Variants in THSD4 observed in about 807,000 individuals in gnomAD.
THSD4 encodes thrombospondin type-1 domain-containing protein 4.
THSD4 carries 69 observed loss-of-function variants against 119.0 expected under a neutral mutation model. The observed-to-expected ratio is 0.58, with a 90% CI of 0.48 to 0.71. THSD4 has a LOEUF of 0.71. Among genes scored for constraint, THSD4 ranks in the 30% least tolerant of loss-of-function variants. The pLI is 0.00. For synonymous variants in THSD4, 524 were observed against 540.4 expected (o/e 0.97, Z 0.42); for missense variants, 1,393 against 1,391.1 (o/e 1.00, Z -0.02).
Position 71,214,310 on chromosome 15 carries a change from G to C in THSD4, c.100-725G>C, listed in dbSNP as rs142963809. 3.0e-3 allele frequency among the ~76,000 whole-genome samples: 457 copies of C among 152,320 alleles called. 1 individual carries two copies. The highest frequency in any genetic ancestry group is 5.6e-3 in the Admixed American group (86 of 15,300). ...AGCCGCAACTTGCTGAGGTATCTTT[G>C]TATGCTGTGGAAGCTTTGTTCTTTT... On this transcript the variant is annotated intron_variant, in intron 3 of 17. Coordinates refer to ENST00000261862, the MANE Select transcript of THSD4 (RefSeq NM_024817.3).
intron 13 of THSD4, among the ~76,000 whole-genome samples, chr15:71,747,694 C>G (rs539601353): frequency 1.3e-5 from 2 of 152,312 alleles, no homozygotes; most frequent in Admixed American, 1.3e-4. Flanking sequence ...GTCAATAAAA[C>G]TTCATGAGTC....
intron 7 of THSD4, among the ~76,000 whole-genome samples, chr15:71,454,038 C>T (rs1394747524): frequency 6.6e-6 from 1 of 152,206 alleles, no homozygotes; most frequent in Non-Finnish European, 1.5e-5. Flanking sequence ...AGATGGATCA[C>T]TTGAGGTCAG....
intron 7 of THSD4, among the ~76,000 whole-genome samples, chr15:71,468,895 T>C (rs564603883): frequency 1.3e-5 from 2 of 152,320 alleles, no homozygotes; most frequent in South Asian, 2.1e-4. Context: ...TCTGCTCCCA[T>C]CCTATTTGCC....
At chr15:71,496,369 C>G (rs2048018173) in intron 7 of THSD4, among the ~76,000 whole-genome samples, 1 of 152,146 alleles carries the variant, frequency 6.6e-6, no homozygotes, top group South Asian at 2.1e-4. Context: ...TAATCATGGC[C>G]TATAGTCCCA....
At chr15:71,773,965 A>AT (rs1157990044) in intron 17 of THSD4, among the ~76,000 whole-genome samples, 1 of 152,132 alleles carries the variant, frequency 6.6e-6, no homozygotes, top group Non-Finnish European at 1.5e-5. Flanking sequence ...AACTCACTCA[A>AT]TTTTTTAAAA....
At chr15:71,449,309 A>G (rs2047231683) in intron 7 of THSD4, among the ~76,000 whole-genome samples, 1 of 152,144 alleles carries the variant, frequency 6.6e-6, no homozygotes, top group African/African-American at 2.4e-5. Flanking sequence ...CTCTTGTTCC[A>G]CTGAACACAT....
chr15:71,471,759 C>T (rs1484535055), intron 7 of THSD4, among the ~76,000 whole-genome samples: 3 of 151,684 alleles, frequency 2.0e-5, no homozygotes, highest in African/African-American at 7.3e-5. Context: ...TACTGGGTGG[C>T]CGGGAGGATT....
intron 8 of THSD4, among the ~76,000 whole-genome samples, chr15:71,677,651 C>T (rs2051680671): frequency 1.3e-5 from 2 of 152,204 alleles, no homozygotes; most frequent in African/African-American, 4.8e-5. Context: ...AGGAAATCAA[C>T]TCTGCCCCAC....
At chr15:71,098,302 C>T (rs568035992) in intron 1 of THSD4, among the ~76,000 whole-genome samples, 79 of 145,882 alleles carry the variant, frequency 5.4e-4, no homozygotes, top group Middle Eastern at 3.6e-3. Flanking sequence ...CTCAGGTGAT[C>T]TTCCCACCTC....
chr15:71,295,737 G>A (rs932588565), intron 6 of THSD4, among the ~76,000 whole-genome samples: 19 of 151,180 alleles, frequency 1.3e-4, no homozygotes, highest in Non-Finnish European at 2.2e-4. Context: ...ATGAGTTTTA[G>A]TAAGTTTACC....
At chr15:71,684,208 GT>G (rs1168020713) in intron 8 of THSD4, among the ~76,000 whole-genome samples, 2 of 152,020 alleles carry the variant, frequency 1.3e-5, no homozygotes, top group East Asian at 3.9e-4. Context: ...AAAGTTATGG[GT>G]TTTTTTATAT....
chr15:71,101,800 A>C (rs1055809535), intron 1 of THSD4, among the ~76,000 whole-genome samples: 1 of 151,624 alleles, frequency 6.6e-6, no homozygotes, highest in African/African-American at 2.4e-5. Flanking sequence ...TGCAACCTCC[A>C]TCTCCCAGGC....
chr15:71,640,909 G>A (rs147508625), intron 7 of THSD4, among the ~76,000 whole-genome samples: 2 of 152,034 alleles, frequency 1.3e-5, no homozygotes, highest in East Asian at 3.9e-4. Context: ...CACGGTCGAT[G>A]TTTAATTAAT....
chr15:71,579,248 T>C (rs536954335), intron 7 of THSD4, among the ~76,000 whole-genome samples: 1 of 152,362 alleles, frequency 6.6e-6, no homozygotes, highest in Admixed American at 6.5e-5. Context: ...ACTTCTTTTG[T>C]ATTCTCCATA....
intron 8 of THSD4, among the ~76,000 whole-genome samples, chr15:71,687,288 T>C (rs898930707): frequency 3.9e-5 from 6 of 152,206 alleles, no homozygotes; most frequent in Non-Finnish European, 8.8e-5. Flanking sequence ...TTTTATTCTA[T>C]ATGAAAAATT....
intron 5 of THSD4, among the ~76,000 whole-genome samples, chr15:71,250,805 C>T (rs946420022): frequency 1.3e-5 from 2 of 151,878 alleles, no homozygotes; most frequent in Admixed American, 1.3e-4. Context: ...CTATGATTGG[C>T]CTGGGTGAAA....
chr15:71,559,612 A>G (rs1462123462), intron 7 of THSD4, among the ~76,000 whole-genome samples: 1 of 150,514 alleles, frequency 6.6e-6, no homozygotes. Context: ...ATTTTTCTAG[A>G]CCTCTGCTTC....
chr15:71,145,471 G>A (rs529279404), intron 2 of THSD4, among the ~76,000 whole-genome samples: 3 of 152,148 alleles, frequency 2.0e-5, no homozygotes, highest in East Asian at 3.9e-4. Flanking sequence ...CTTCTGAAAC[G>A]TAAAGTTTTT....
At chr15:71,731,354 G>C (rs2052976622) in intron 10 of THSD4, 137 bp downstream of exon 10, 1 of 789,172 alleles carries the variant, frequency 1.3e-6, no homozygotes, top group Non-Finnish European at 2.1e-6. Flanking sequence ...CAAAGCCAAG[G>C]GGCCTTGACA....
Sources: allele counts gnomAD v4.1 joint callset (sites outside exome capture counted in the v4.1 genomes callset), GRCh38; gene constraint gnomAD v4.1.1; transcripts MANE v1.5; gene names NCBI Gene and HGNC (gene_info 2026-07-23, HGNC 2026-07-21).